Variants in ADCY9 observed in about 807,000 individuals in gnomAD.
ADCY9 encodes the protein adenylate cyclase 9.
ADCY9 carries 50 observed loss-of-function variants against 101.5 expected under a neutral mutation model. The observed-to-expected ratio is 0.49, with a 90% CI of 0.39 to 0.62. The LOEUF (loss-of-function observed/expected upper bound fraction) is 0.62. Among genes scored for constraint, ADCY9 ranks in the 20% least tolerant of loss-of-function variants. The pLI, the probability that ADCY9 is intolerant of heterozygous loss-of-function variation, is 0.00. For missense variants in ADCY9, 1,662 were observed against 1,800.4 expected (o/e 0.92, Z 1.39); for synonymous variants, 905 against 769.3 (o/e 1.18, Z -2.92).
At chr16:4,101,187 C>T (rs1453141378) in intron 2 of ADCY9, among the ~76,000 whole-genome samples, 1 of 152,106 alleles carries the variant, frequency 6.6e-6, no homozygotes, top group East Asian at 1.9e-4. Flanking sequence ...TACCTAACCT[C>T]TCTGTGCTTC....
chr16:3,961,407 C>T (rs1481973102), downstream of ADCY9, among the ~76,000 whole-genome samples: 3 of 151,366 alleles, frequency 2.0e-5, no homozygotes, highest in Non-Finnish European at 4.4e-5. Flanking sequence ...CCCTGATGGT[C>T]ACTGCACTCC....
rs763895687 is a variant in ADCY9, at chr16:4,115,076, T to G, written c.367A>C (p.Ile123Leu). 6.2e-7 allele frequency: 1 copy of G among 1,614,030 alleles called. No individual in the cohort carries two copies. Among genetic ancestry groups the G allele is most frequent in the East Asian group, 2.2e-5 (1 of 44,884 alleles). Reference protein sequence around the residue: ...QRRFRYALFYIGFACLLWSIY... With the variant: ...QRRFRYALFYLGFACLLWSIY... ...CTCCACAGAAGGCAGGCGAAGCCGA[T>G]GTAGAAGAGCGCATACCGGAACCGG... Residue 123 changes from isoleucine to leucine, a missense_variant, in exon 2 of 11, where the codon ATC becomes CTC. Ile to Leu is a conservative substitution (Grantham distance 5). Transcript: ENST00000294016. This position sits in a 1 kb window ranked among gnomAD's most constrained non-coding sequence, Gnocchi z 6.2.
At chr16:4,022,264 G>A (rs1403527078) in intron 2 of ADCY9, among the ~76,000 whole-genome samples, 1 of 152,066 alleles carries the variant, frequency 6.6e-6, no homozygotes, top group Non-Finnish European at 1.5e-5. Context: ...GGCCGAGGTG[G>A]GAGGATCACT....
chr16:4,030,305 A>G (rs1204608313), intron 2 of ADCY9, among the ~76,000 whole-genome samples: 1 of 152,176 alleles, frequency 6.6e-6, no homozygotes. Flanking sequence ...GATATGACCG[A>G]GAAGGCACAA....
In ADCY9 at chr16:3,969,366, C is replaced by G. The variant is rs1250447508; in HGVS notation, c.2871-2400G>C. 2.7e-5 allele frequency among the ~76,000 whole-genome samples: 4 copies of G among 150,630 alleles called. No individual in the cohort carries two copies. The South Asian group carries it at 8.4e-4, about 32-fold the overall frequency. ...GGGCTCAACGATTCTTGCGGCCCAG[C>G]CTCCTGAGTAGTGTGCGCCACCAGG... On this transcript the variant is annotated intron_variant, in intron 10 of 10. Transcript: ENST00000294016.
intron 2 of ADCY9, among the ~76,000 whole-genome samples, chr16:4,045,869 C>CTTTT (rs56804050): frequency 6.3e-4 from 50 of 78,894 alleles, no homozygotes; most frequent in African/African-American, 1.8e-3. Flanking sequence ...TTTTTTCTTT[C>CTTTT]TTTTTTTTTT....
In ADCY9 at chr16:3,963,436, G is replaced by T; in HGVS notation, c.*2339C>A. 2.5e-6 allele frequency: 1 copy of T among 398,082 alleles called. No homozygotes were observed. 24.7% of individuals were successfully genotyped at this position (398,082 alleles called of 1,614,324 possible). ...ATGCATCGGAGCAGGGGACGGGGAGGACCCGAGGGGCTTCGTGGCCCAGAG... is the reference window on the plus strand; with the variant it reads ...ATGCATCGGAGCAGGGGACGGGGAGTACCCGAGGGGCTTCGTGGCCCAGAG... On this transcript the variant is annotated 3_prime_UTR_variant, in exon 11 of 11. Transcript: ENST00000294016.
At chr16:4,000,631 A>G (rs532716974) in intron 3 of ADCY9, among the ~76,000 whole-genome samples, 1 of 152,292 alleles carries the variant, frequency 6.6e-6, no homozygotes, top group African/African-American at 2.4e-5. Context: ...TAGACAAGTC[A>G]CCACATGAAC....
intron 2 of ADCY9, among the ~76,000 whole-genome samples, chr16:4,058,589 A>G (rs943831207): frequency 1.1e-4 from 17 of 152,178 alleles, no homozygotes; most frequent in African/African-American, 3.9e-4. Context: ...AGATGTAATC[A>G]TGCCTACAAT....
At chr16:4,041,890 C>A (rs552916230) in intron 2 of ADCY9, among the ~76,000 whole-genome samples, 4 of 149,044 alleles carry the variant, frequency 2.7e-5, no homozygotes, top group Admixed American at 6.7e-5. Flanking sequence ...TAGCTGGGAC[C>A]TCAGGGATGT....
chr16:3,966,653 C>A lies in ADCY9; in HGVS notation c.3184G>T (p.Ala1062Ser), dbSNP rs72556390. ...KNHDSGGVIF[A>S]SIVNFSEFYE... ...AACTCGCTGAAGTTGACGATGCTGGCGAAGATCACCCCTCCGCTGTCATGG... is the reference window on the plus strand; with the variant it reads ...AACTCGCTGAAGTTGACGATGCTGGAGAAGATCACCCCTCCGCTGTCATGG... Residue 1062 changes from alanine (A) to serine (S), a missense_variant, in exon 11 of 11, where the codon GCC (alanine) becomes TCC (serine). Around this residue, in one of 5 missense-constraint regions of ADCY9, gnomAD observed 220 missense variants for 312.9 expected, o/e 0.70. Coordinates refer to ENST00000294016, the MANE Select transcript of ADCY9 (RefSeq NM_001116.4). The A allele has an allele frequency of 2.5e-6, 4 of 1,614,136 alleles. No individual in the cohort carries two copies. The South Asian group carries it at 3.3e-5, about 13-fold the overall frequency.
At chr16:4,110,821 A>T (rs2057109161) in intron 2 of ADCY9, among the ~76,000 whole-genome samples, 1 of 152,204 alleles carries the variant, frequency 6.6e-6, no homozygotes, top group Non-Finnish European at 1.5e-5. Context: ...GGGTGTGGCC[A>T]TGGCGACAGT....
Position 3,992,500 on chromosome 16 carries a change from C to T in ADCY9, c.1990-137G>A, listed in dbSNP as rs189724367. Reference sequence around the variant, plus strand: ...TGGGACTTTCTGACCTGCGAGGAACCCCCACCCCCCTGCGCCTACAGACCT... The same window carrying T: ...TGGGACTTTCTGACCTGCGAGGAACTCCCACCCCCCTGCGCCTACAGACCT... On this transcript the variant is annotated intron_variant, in intron 4 of 10. Coordinates refer to ENST00000294016, the MANE Select transcript of ADCY9 (RefSeq NM_001116.4). The surrounding 1 kb of genome is among the most constrained non-coding windows in gnomAD (Gnocchi z 4.2). 3.2e-3 allele frequency: 2,365 copies of T among 747,436 alleles called. 41 individuals carry two copies. In the African/African-American group the frequency reaches 0.038, roughly 12 times the overall value. 46.3% of individuals were successfully genotyped at this position (747,436 alleles called of 1,614,324 possible). A position where few individuals can be genotyped will look rare whatever the true frequency, so the allele number is the denominator to read the frequency against.
chr16:3,974,735 T>A (rs767510868), intron 9 of ADCY9, 25 bp from the exon 10 acceptor site: 2 of 1,601,882 alleles, frequency 1.2e-6, no homozygotes, highest in East Asian at 2.2e-5. Context: ...CAGAAAAATA[T>A]TATCATAAAG....
chr16:4,026,425 CA>C (rs34756033), intron 2 of ADCY9, among the ~76,000 whole-genome samples: 30,566 of 96,872 alleles, frequency 0.32, 2,958 homozygotes, highest in South Asian at 0.44. Context: ...GACTCCGTCT[CA>C]AAAAAAAAAA....
At chr16:3,993,218 G>T in intron 4 of ADCY9, 188 bp downstream of exon 4, 1 of 984,934 alleles carries the variant, frequency 1.0e-6, no homozygotes, top group Non-Finnish European at 1.5e-6. Flanking sequence ...GTTTCCACGT[G>T]GGTTGCTGCT....
chr16:4,106,780 T>C (rs569227912), intron 2 of ADCY9, among the ~76,000 whole-genome samples: 13 of 152,274 alleles, frequency 8.5e-5, no homozygotes, highest in African/African-American at 1.7e-4. Flanking sequence ...GTTGGTTGGT[T>C]TTTTTCCAAG....
chr16:3,977,364 G>T, intron 9 of ADCY9, 118 bp downstream of exon 9: 2 of 1,346,072 alleles, frequency 1.5e-6, no homozygotes, highest in Non-Finnish European at 2.0e-6. Context: ...TTTGGGTCAT[G>T]ATGGGAAATA....
intron 3 of ADCY9, among the ~76,000 whole-genome samples, chr16:3,995,607 T>A (rs186933848): frequency 0.016 from 2,458 of 151,448 alleles, 32 homozygotes; most frequent in African/African-American, 0.02. Flanking sequence ...AAATATATTT[T>A]TTTTTTTTTT....
Sources: allele counts gnomAD v4.1 joint callset (sites outside exome capture counted in the v4.1 genomes callset), GRCh38; gene constraint gnomAD v4.1.1; regional missense constraint gnomAD v4.1.1; non-coding constraint Gnocchi (gnomAD v3.1); transcripts MANE v1.5; gene names NCBI Gene and HGNC (gene_info 2026-07-23, HGNC 2026-07-21).